PBX3: variants seen among roughly 807,000 people sequenced by gnomAD.
PBX3 encodes the protein pre-B-cell leukemia transcription factor 3.
PBX3 carries 14 observed loss-of-function variants against 48.5 expected under a neutral mutation model. The ratio of observed to expected loss-of-function variants is 0.29; its 90% CI spans 0.19 to 0.45. The LOEUF is 0.45. Among genes scored for constraint, PBX3 ranks in the 20% least tolerant of loss-of-function variants. The pLI is 1.00. For synonymous variants in PBX3, 210 were observed against 200.3 expected (o/e 1.05, Z -0.41); for missense variants, 386 against 546.7 (o/e 0.71, Z 2.93).
intron 2 of PBX3, among the ~76,000 whole-genome samples, chr9:125,811,582 C>T (rs1315258331): frequency 1.3e-5 from 2 of 152,160 alleles, no homozygotes; most frequent in East Asian, 1.9e-4. Flanking sequence ...CCTGAGGCCT[C>T]CCCAGCCATG....
intron 2 of PBX3, among the ~76,000 whole-genome samples, chr9:125,905,055 A>G (rs1841038695): frequency 6.6e-6 from 1 of 151,952 alleles, no homozygotes; most frequent in Non-Finnish European, 1.5e-5. Flanking sequence ...CTATAATCAT[A>G]TTTATCTTAA....
Position 125,805,290 on chromosome 9 carries a change from T to C in PBX3, c.274+56667T>C, listed in dbSNP as rs563203432. ...AGTGGATGCCTTTGGGATTAGAGTG[T>C]AGTGTGTGAGGGGAAGAATAGTATG... is the stretch of plus-strand genomic sequence containing the variant. On this transcript the variant is annotated intron_variant, in intron 2 of 8. Coordinates refer to ENST00000373489, the MANE Select transcript of PBX3 (RefSeq NM_006195.6). Among the ~76,000 whole-genome samples the C allele has an allele frequency of 2.0e-5, 3 of 151,862 alleles. No individual in the cohort carries two copies. The East Asian group carries it at 5.8e-4, about 29-fold the overall frequency.
intron 2 of PBX3, among the ~76,000 whole-genome samples, chr9:125,862,198 G>C (rs769883621): frequency 2.6e-5 from 4 of 152,092 alleles, no homozygotes; most frequent in Non-Finnish European, 5.9e-5. Flanking sequence ...GGCGTTACTA[G>C]GTATATGTAG....
At chr9:125,827,486 A>C (rs542841040) in intron 2 of PBX3, among the ~76,000 whole-genome samples, 2 of 152,240 alleles carry the variant, frequency 1.3e-5, no homozygotes, top group African/African-American at 4.8e-5. Flanking sequence ...CTTTTACTAC[A>C]CATACGTGTA....
At chr9:125,834,478 A>G (rs930432349) in intron 2 of PBX3, among the ~76,000 whole-genome samples, 8 of 151,496 alleles carry the variant, frequency 5.3e-5, no homozygotes, top group Admixed American at 3.9e-4. Flanking sequence ...GCTCACTGCA[A>G]CCTCCACCTC....
intron 2 of PBX3, among the ~76,000 whole-genome samples, chr9:125,867,413 G>A (rs1025305634): frequency 2.6e-5 from 4 of 151,882 alleles, no homozygotes; most frequent in East Asian, 1.9e-4. Flanking sequence ...AGGCCAAGGC[G>A]GGTGGATCAT....
intron 2 of PBX3, among the ~76,000 whole-genome samples, chr9:125,779,388 A>AGGCAGAG (rs1837175368): frequency 7.3e-6 from 1 of 137,796 alleles, no homozygotes; most frequent in Non-Finnish European, 1.5e-5. Context: ...TGGTTTTCCT[A>AGGCAGAG]GGCAGAGGAC....
chr9:125,892,580 C>T (rs1458785515), intron 2 of PBX3, among the ~76,000 whole-genome samples: 4 of 152,122 alleles, frequency 2.6e-5, no homozygotes, highest in Non-Finnish European at 5.9e-5. Context: ...AAAACCTGCC[C>T]TGTGTTTTAT....
intron 2 of PBX3, among the ~76,000 whole-genome samples, chr9:125,862,778 T>C (rs1564144613): frequency 6.6e-6 from 1 of 152,232 alleles, no homozygotes; most frequent in African/African-American, 2.4e-5. Flanking sequence ...TTGAGAACTC[T>C]GAGTCAATAA....
chr9:125,951,453 A>G (rs867472904), intron 5 of PBX3, among the ~76,000 whole-genome samples: 1 of 152,170 alleles, frequency 6.6e-6, no homozygotes, highest in African/African-American at 2.4e-5. Context: ...AGCAGGGATC[A>G]GCTTGCCCAG....
intron 2 of PBX3, among the ~76,000 whole-genome samples, chr9:125,888,247 C>G (rs1840547311): frequency 6.6e-6 from 1 of 152,056 alleles, no homozygotes; most frequent in South Asian, 2.1e-4. Flanking sequence ...CTAAAGTAAA[C>G]CTTTTGATCG....
intron 3 of PBX3, among the ~76,000 whole-genome samples, chr9:125,925,063 A>G (rs1409782918): frequency 1.3e-5 from 2 of 152,182 alleles, no homozygotes; most frequent in African/African-American, 4.8e-5. Context: ...TGTGCTTCCC[A>G]TTTGACACAC....
intron 2 of PBX3, among the ~76,000 whole-genome samples, chr9:125,915,277 C>A (rs533005868): frequency 1.6e-4 from 25 of 152,198 alleles, no homozygotes; most frequent in African/African-American, 6.0e-4. Flanking sequence ...ACAGAATAAC[C>A]ACCTTTGGAT....
intron 1 of PBX3, 42 bp from the exon 2 acceptor site, chr9:125,748,508 A>G (rs1322485319): frequency 6.2e-7 from 1 of 1,602,440 alleles, no homozygotes; most frequent in East Asian, 2.2e-5. Context: ...ATTATTCCAT[A>G]GGTGATGCTA....
intron 2 of PBX3, among the ~76,000 whole-genome samples, chr9:125,806,893 TG>T (rs1417011286): frequency 1.3e-5 from 2 of 152,214 alleles, no homozygotes; most frequent in African/African-American, 2.4e-5. Flanking sequence ...CCCATGGACA[TG>T]GATGAGATCA....
chr9:125,815,693 GGTGT>G (rs35255670), intron 2 of PBX3, among the ~76,000 whole-genome samples: 8,798 of 148,960 alleles, frequency 0.059, 584 homozygotes, highest in East Asian at 0.17. Context: ...GCAGTGACTG[GGTGT>G]GTGTGTGTGT....
At chr9:125,907,907 A>G (rs893041309) in intron 2 of PBX3, among the ~76,000 whole-genome samples, 1 of 152,112 alleles carries the variant, frequency 6.6e-6, no homozygotes, top group South Asian at 2.1e-4. Context: ...CTCATCTACA[A>G]ATGAGGCCAA....
intron 2 of PBX3, among the ~76,000 whole-genome samples, chr9:125,859,133 G>C (rs1018724189): frequency 2.0e-5 from 3 of 152,156 alleles, no homozygotes; most frequent in Admixed American, 2.0e-4. Flanking sequence ...TATAGGCCAG[G>C]ATCAGGGAGG....
intron 2 of PBX3, among the ~76,000 whole-genome samples, chr9:125,801,202 CA>C (rs1323797363): frequency 6.6e-6 from 1 of 152,170 alleles, no homozygotes; most frequent in Non-Finnish European, 1.5e-5. Context: ...TTAATATGAA[CA>C]ATGAAATACC....
Sources: gnomAD v4.1 joint callset for allele counts (sites outside exome capture counted in the v4.1 genomes callset) on GRCh38, gnomAD v4.1.1 for gene constraint, MANE v1.5 for transcripts, NCBI Gene and HGNC (gene_info 2026-07-23, HGNC 2026-07-21) for gene names.